Variants in BAIAP2L2 observed in about 807,000 individuals in gnomAD.
BAIAP2L2 encodes the protein BAR/IMD domain-containing adapter protein 2-like 2.
BAIAP2L2 carries 65 observed loss-of-function variants against 60.4 expected under a neutral mutation model. The ratio of observed to expected loss-of-function variants is 1.08; its 90% CI spans 0.88 to 1.32. The LOEUF is 1.32. BAIAP2L2 is among the 40% of genes most tolerant of loss of function. The pLI is 0.00. For missense variants in BAIAP2L2, 836 were observed against 741.2 expected (o/e 1.13, Z -1.48); for synonymous variants, 344 against 301.7 (o/e 1.14, Z -1.45).
Position 38,104,501 on chromosome 22 carries a change from T to A in BAIAP2L2, c.276+3351A>T, listed in dbSNP as rs1375658505. On this transcript the variant is annotated intron_variant, in intron 4 of 13. Coordinates refer to ENST00000381669, the MANE Select transcript of BAIAP2L2 (RefSeq NM_025045.6). ...GTTCGAAGAGACTCAAATTTCTTTT[T>A]TTTTTTTTTTTTGAGACGGAGTATT... 5.3e-5 allele frequency among the ~76,000 whole-genome samples: 8 copies of A among 151,588 alleles called. No individual in the cohort carries two copies. The South Asian group carries it at 8.4e-4, about 16-fold the overall frequency.
At chr22:38,109,307 C>T in intron 1 of BAIAP2L2, 99 bp from the exon 2 acceptor site, 1 of 950,596 alleles carries the variant, frequency 1.1e-6, no homozygotes, top group Non-Finnish European at 1.6e-6. Flanking sequence ...GACAGGGCAC[C>T]CCCAGCCCAG....
chr22:38,086,227 C>T lies in BAIAP2L2; in HGVS notation c.1467+15G>A, dbSNP rs374593667. On this transcript the variant is annotated intron_variant, in intron 12 of 13. Coordinates refer to ENST00000381669, the MANE Select transcript of BAIAP2L2 (RefSeq NM_025045.6). ...GCCCGCTGGAGGCCCCAAGAGAGGGCGGGCAAGGGCTCACCTTGACGTCAG... is the reference window on the plus strand; with the variant it reads ...GCCCGCTGGAGGCCCCAAGAGAGGGTGGGCAAGGGCTCACCTTGACGTCAG... 2.8e-5 allele frequency: 45 copies of T among 1,607,912 alleles called. No individual in the cohort carries two copies. The highest frequency in any genetic ancestry group is 2.4e-4 in the African/African-American group (18 of 74,908).
Position 38,108,291 on chromosome 22 carries a change from C to G in BAIAP2L2, c.178G>C (p.Glu60Gln). 2 of 1,612,732 alleles carry G rather than the reference C, an allele frequency of 1.2e-6. No individual in the cohort carries two copies. Among genetic ancestry groups the G allele is most frequent in the Non-Finnish European group, 1.7e-6 (2 of 1,179,922 alleles). The change falls in exon 3 of 14, where the codon GAG becomes CAG. Residue 60 changes from glutamate (E) to glutamine (Q), a missense_variant. Coordinates refer to ENST00000381669, the MANE Select transcript of BAIAP2L2 (RefSeq NM_025045.6). ...VYFSAIQKIG[E>Q]RALQSPTSQI... ...GAGGTGGGGCTCTGCAGGGCACGCTCCCCAATCTTCTGGATGGCACTGAAG... is the reference window on the plus strand; with the variant it reads ...GAGGTGGGGCTCTGCAGGGCACGCTGCCCAATCTTCTGGATGGCACTGAAG...
In BAIAP2L2 at chr22:38,107,368, G is replaced by A. The variant is rs150600349; in HGVS notation, c.276+484C>T. On this transcript the variant is annotated intron_variant, in intron 4 of 13. Coordinates refer to ENST00000381669, the MANE Select transcript of BAIAP2L2 (RefSeq NM_025045.6). Reference sequence around the variant, plus strand: ...ACACCAGCAGAGGGCCCACTCTTCCGGGGGGCTGGGCTGTGTTGGGGGTGT... The same window carrying A: ...ACACCAGCAGAGGGCCCACTCTTCCAGGGGGCTGGGCTGTGTTGGGGGTGT... Among the ~76,000 whole-genome samples the A allele has an allele frequency of 1.6e-4, 25 of 152,234 alleles. No homozygotes were observed. The East Asian group carries it at 3.3e-3, about 20-fold the overall frequency.
At chr22:38,093,080 C>T (rs1481325926) in intron 7 of BAIAP2L2, among the ~76,000 whole-genome samples, 1 of 152,094 alleles carries the variant, frequency 6.6e-6, no homozygotes, top group Non-Finnish European at 1.5e-5. Context: ...GCAGGAGAAT[C>T]GCTTGAACCC....
intron 12 of BAIAP2L2, 115 bp from the exon 13 acceptor site, chr22:38,085,847 C>T: frequency 9.6e-7 from 1 of 1,037,144 alleles, no homozygotes; most frequent in South Asian, 1.5e-5. Flanking sequence ...AGAGCCCCTG[C>T]CATGCCAGGC....
At chr22:38,088,990 C>T (rs748664767) in intron 9 of BAIAP2L2, 26 bp from the exon 10 acceptor site, 49 of 1,479,640 alleles carry the variant, frequency 3.3e-5, no homozygotes, top group South Asian at 6.6e-5. Context: ...CGCGGCGGCA[C>T]GTGGGCAGGA....
In BAIAP2L2 at chr22:38,085,716, T is replaced by G; in HGVS notation, c.1484A>C (p.Glu495Ala). The change falls in exon 13 of 14, where the codon GAG (glutamate) becomes GCG (alanine). Residue 495 changes from glutamate to alanine, a missense_variant. By Grantham distance (107) the Glu-to-Ala change is moderately radical. Transcript: ENST00000381669. ...ATDVKKLMSS[E>A]QYPPQELFPR... ...GAAGAGCTCCTGTGGTGGGTACTGC[T>G]CTGAGGACATCAGTTTCTGCAGTGG... 2 of 1,603,734 alleles carry G rather than the reference T, an allele frequency of 1.2e-6. No homozygotes were observed. Among genetic ancestry groups the G allele is most frequent in the Non-Finnish European group, 1.7e-6 (2 of 1,176,782 alleles).
rs2086697796 is a variant in BAIAP2L2, at chr22:38,107,883, T to C, written c.245A>G (p.Gln82Arg). Residue 82 changes from glutamine to arginine, a missense_variant, in exon 4 of 14, where the codon CAG (glutamine) becomes CGG (arginine). Transcript: ENST00000381669. ...GEILVQMSDT[Q>R]RHLNSDLEVV... ...CTCCAGGTCAGAGTTCAAGTGCCGC[T>C]GGGTGTCAGACATCTGCACCAAGAT... The C allele has an allele frequency of 2.5e-6, 4 of 1,613,554 alleles. No homozygotes were observed. In the East Asian group the frequency reaches 8.9e-5, roughly 36 times the overall value.
Position 38,085,661 on chromosome 22 carries a change from TTTGGGCCCCC to T in BAIAP2L2, c.1514+15_1514+24del. 9.9e-6 allele frequency: 16 copies of T among 1,610,928 alleles called. No individual in the cohort carries two copies. Among genetic ancestry groups the T allele is most frequent in the Non-Finnish European group, 1.3e-5 (15 of 1,177,692 alleles). ...GCCGCACCTGCCACCCTCCTCACTG[TTTGGGCCCCC>T]ATGTGAGGACTCACCTCGGGAAGAG... is the stretch of plus-strand genomic sequence containing the variant. On this transcript the variant is annotated intron_variant, in intron 13 of 13. Coordinates refer to ENST00000381669, the MANE Select transcript of BAIAP2L2 (RefSeq NM_025045.6).
At chr22:38,106,745 C>T (rs1446488233) in intron 4 of BAIAP2L2, among the ~76,000 whole-genome samples, 1 of 152,208 alleles carries the variant, frequency 6.6e-6, no homozygotes, top group African/African-American at 2.4e-5. Flanking sequence ...TGGCTCATGC[C>T]TGCCTGCTGC....
At position 38,086,336 on chromosome 22, in the gene BAIAP2L2, C is replaced by T. The variant is rs373246008; in HGVS notation, c.1373G>A (p.Arg458Gln). Residue 458 changes from arginine (R) to glutamine (Q), a missense_variant, in exon 12 of 14, where the codon CGG (arginine) becomes CAG (glutamine). Coordinates refer to ENST00000381669, the MANE Select transcript of BAIAP2L2 (RefSeq NM_025045.6). ...AGGGCTGGGGGCACGGCTTGGCACC[C>T]GGCTTGGGGTGCGGGAGCGGGACTG... ...DGQSRSRTPSRVPSRAPSPAP... is the reference protein window; with the variant it reads ...DGQSRSRTPSQVPSRAPSPAP... The T allele has an allele frequency of 2.4e-5, 37 of 1,555,786 alleles. No individual in the cohort carries two copies. Among genetic ancestry groups the T allele is most frequent in the South Asian group, 3.5e-5 (3 of 86,022 alleles).
intron 7 of BAIAP2L2, 135 bp from the exon 8 acceptor site, chr22:38,089,809 C>G: frequency 1.1e-6 from 1 of 878,446 alleles, no homozygotes; most frequent in Non-Finnish European, 1.5e-6. Context: ...CTGGAAGGAG[C>G]CAGAAGCCAG....
intron 4 of BAIAP2L2, among the ~76,000 whole-genome samples, chr22:38,104,588 C>T (rs4821739): frequency 0.44 from 65,547 of 150,360 alleles, 15,567 homozygotes; most frequent in South Asian, 0.62. Context: ...CTCCGCCTCC[C>T]GGGTTCACGC....
chr22:38,085,764 T>G (rs753730126), intron 12 of BAIAP2L2, 32 bp from the exon 13 acceptor site: 10 of 1,568,066 alleles, frequency 6.4e-6, no homozygotes, highest in South Asian at 2.4e-5. Flanking sequence ...GCTGGTTTGG[T>G]GGGGAGAGGG....
At chr22:38,109,505 A>G (rs964316853) in intron 1 of BAIAP2L2, among the ~76,000 whole-genome samples, 5 of 151,992 alleles carry the variant, frequency 3.3e-5, no homozygotes, top group Non-Finnish European at 7.4e-5. Flanking sequence ...GTGCACCTGG[A>G]AGGTTCTCCT....
At chr22:38,103,903 G>A (rs2086613304) in intron 4 of BAIAP2L2, among the ~76,000 whole-genome samples, 1 of 149,818 alleles carries the variant, frequency 6.7e-6, no homozygotes, top group South Asian at 2.1e-4. Flanking sequence ...CCAAAAATAG[G>A]ACATTTTCAA....
chr22:38,104,422 G>A (rs545826093), intron 4 of BAIAP2L2, among the ~76,000 whole-genome samples: 1 of 152,070 alleles, frequency 6.6e-6, no homozygotes, highest in East Asian at 1.9e-4. Context: ...TGGTCCCAGG[G>A]TCTCCAACAG....
At chr22:38,110,909 A>G (rs893768618), upstream of BAIAP2L2, among the ~76,000 whole-genome samples, 4 of 152,056 alleles carry the variant, frequency 2.6e-5, no homozygotes, top group African/African-American at 4.8e-5. Context: ...CCACCTGCCT[A>G]TACCAGGCAT....
Sources: allele counts gnomAD v4.1 joint callset (sites outside exome capture counted in the v4.1 genomes callset), GRCh38; gene constraint gnomAD v4.1.1; transcripts MANE v1.5; gene names NCBI Gene and HGNC (gene_info 2026-07-23, HGNC 2026-07-21).